Variants in AHI1 observed in about 807,000 individuals in gnomAD.
AHI1 encodes Abelson helper integration site 1.
In AHI1, 123 loss-of-function variants were observed where a neutral mutation model predicts 149.3. The ratio of observed to expected loss-of-function variants is 0.82; its 90% CI spans 0.71 to 0.96. The LOEUF is 0.96. AHI1 is among the 40% of genes least tolerant of loss of function. The pLI is 0.00. For missense variants in AHI1, 1,439 were observed against 1,422.7 expected (o/e 1.01, Z -0.18); for synonymous variants, 475 against 459.8 (o/e 1.03, Z -0.42).
chr6:135,430,227 T>C (rs758295740), intron 17 of AHI1, among the ~76,000 whole-genome samples: 36 of 152,002 alleles, frequency 2.4e-4, no homozygotes, highest in Non-Finnish European at 5.0e-4. Flanking sequence ...TTAATTAGTA[T>C]GTGTTTTTGT....
intron 22 of AHI1, among the ~76,000 whole-genome samples, chr6:135,398,306 C>T (rs1258179637): frequency 6.6e-6 from 1 of 152,032 alleles, no homozygotes; most frequent in East Asian, 1.9e-4. Context: ...TATGACCCCT[C>T]AGTCCTCAGA....
chr6:135,360,100 GA>G (rs939712503), intron 23 of AHI1, among the ~76,000 whole-genome samples: 9 of 151,976 alleles, frequency 5.9e-5, no homozygotes, highest in South Asian at 2.1e-4. Flanking sequence ...ATAAACTTTA[GA>G]AAAAAATGTA....
rs1041423803 is a variant in AHI1 at position 135,398,045 on chromosome 6, T to A, written c.2989-3149A>T. 2.0e-4 allele frequency among the ~76,000 whole-genome samples: 26 copies of A among 133,314 alleles called. No individual in the cohort carries two copies. In the South Asian group the frequency reaches 5.7e-3, roughly 29 times the overall value. 87.5% of individuals were successfully genotyped at this position (133,314 alleles called of 152,430 possible). ...GTGGCATTAGAAAAAAAGAAACCAA[T>A]AATACCCAGGATGTTTTTTTTTTTT... On this transcript the variant is annotated intron_variant, in intron 22 of 28. Transcript: ENST00000265602.
In AHI1 at chr6:135,297,338, C is replaced by A. The variant is rs545502092; in HGVS notation, c.3485+3162G>T. ...CAGTCAGTCTCCTCCCACTCTCTCC[C>A]CTCTCTTCATAGCCGTATGCTCCTT... is the stretch of plus-strand genomic sequence containing the variant. On this transcript the variant is annotated intron_variant, in intron 27 of 28. Coordinates refer to ENST00000265602, the MANE Select transcript of AHI1 (RefSeq NM_001134831.2). 7.4e-4 allele frequency: 314 copies of A among 426,392 alleles called. 1 individual carries two copies. Among genetic ancestry groups the A allele is most frequent in the African/African-American group, 5.5e-3 (268 of 48,938 alleles). 26.4% of individuals were successfully genotyped at this position (426,392 alleles called of 1,614,324 possible). A position where few individuals can be genotyped will look rare whatever the true frequency, so the allele number is the denominator to read the frequency against.
chr6:135,387,190 A>G (rs74792384), intron 23 of AHI1, among the ~76,000 whole-genome samples: 3,425 of 152,234 alleles, frequency 0.022, 60 homozygotes, highest in East Asian at 0.054. Flanking sequence ...GTTGAAAAGC[A>G]TTTTCTTAAG....
At position 135,411,495 on chromosome 6, in the gene AHI1, T is replaced by A; in HGVS notation, c.2814A>T (p.Pro938=). 1.2e-6 allele frequency: 2 copies of A among 1,611,062 alleles called. No homozygotes were observed. The highest frequency in any genetic ancestry group is 1.7e-6 in the Non-Finnish European group (2 of 1,178,478). The change falls in exon 21 of 29, where the codon CCA becomes CCT. Residue 938 remains proline (P), a synonymous_variant. Transcript: ENST00000265602. ...EMFKRYNGTF[P]LPGIHQSQDA... ...CTTGACTTTGGTGTATTCCAGGTAA[T>A]GGAAATGTTCCATTGTAGCGTTTGA...
chr6:135,338,490 A>T (rs1422276292), intron 24 of AHI1, among the ~76,000 whole-genome samples: 1 of 152,212 alleles, frequency 6.6e-6, no homozygotes, highest in Non-Finnish European at 1.5e-5. Flanking sequence ...ACAAATGGAA[A>T]ACTCTGAGCT....
intron 23 of AHI1, among the ~76,000 whole-genome samples, chr6:135,374,213 C>A (rs746586233): frequency 6.7e-6 from 1 of 148,302 alleles, no homozygotes; most frequent in Non-Finnish European, 1.5e-5. Flanking sequence ...TCCAGGTTCA[C>A]GCCATTCTCC....
At chr6:135,312,565 GAAAACA>G (rs1483523244) in intron 26 of AHI1, among the ~76,000 whole-genome samples, 1 of 151,908 alleles carries the variant, frequency 6.6e-6, no homozygotes, top group Non-Finnish European at 1.5e-5. Context: ...ACCAAACAAA[GAAAACA>G]AAAACAAACA....
At chr6:135,309,349 A>G (rs1784880902) in intron 26 of AHI1, among the ~76,000 whole-genome samples, 2 of 152,218 alleles carry the variant, frequency 1.3e-5, no homozygotes, top group African/African-American at 2.4e-5. Flanking sequence ...TCAAATGTAA[A>G]TAACATTTAT....
Position 135,490,606 on chromosome 6 carries a change from A to G in AHI1, c.135+17T>C. The G allele has an allele frequency of 1.2e-6, 2 of 1,613,396 alleles. No individual in the cohort carries two copies. The highest frequency in any genetic ancestry group is 8.5e-7 in the Non-Finnish European group (1 of 1,179,634). ...GCGCATATGTAAATCACTATTACCC[A>G]ATGATCATTTACTTACTGAGATGTT... On this transcript the variant is annotated intron_variant, in intron 5 of 28. Transcript: ENST00000265602.
chr6:135,411,920 C>A (rs1406517337), intron 20 of AHI1, among the ~76,000 whole-genome samples: 3 of 151,918 alleles, frequency 2.0e-5, no homozygotes, highest in African/African-American at 7.3e-5. Context: ...ATTTCTGTAC[C>A]CTTCTTAATT....
At chr6:135,453,230 A>G (rs1366869199) in intron 11 of AHI1, 111 bp downstream of exon 11, 1 of 837,158 alleles carries the variant, frequency 1.2e-6, no homozygotes, top group Non-Finnish European at 2.0e-6. Context: ...CATCCCTACA[A>G]CATTACCTTA....
At chr6:135,368,237 G>A (rs975652026) in intron 23 of AHI1, among the ~76,000 whole-genome samples, 3 of 152,214 alleles carry the variant, frequency 2.0e-5, no homozygotes, top group Admixed American at 6.5e-5. Flanking sequence ...CTGCGCTGGT[G>A]GAGGTAGCAG....
intron 23 of AHI1, among the ~76,000 whole-genome samples, chr6:135,371,647 T>C (rs1775079182): frequency 6.6e-6 from 1 of 152,244 alleles, no homozygotes. Flanking sequence ...TAATCTTCTA[T>C]GTGAACATCC....
intron 24 of AHI1, among the ~76,000 whole-genome samples, chr6:135,343,891 C>T (rs188102064): frequency 4.1e-4 from 62 of 151,962 alleles, no homozygotes; most frequent in South Asian, 1.7e-3. Context: ...AAAAAGTAAA[C>T]TAAACTTTAT....
chr6:135,416,382 T>G (rs1782384192), intron 20 of AHI1, among the ~76,000 whole-genome samples: 1 of 151,850 alleles, frequency 6.6e-6, no homozygotes. Flanking sequence ...TTTTTTTGCC[T>G]GTTTAACTGA....
intron 25 of AHI1, among the ~76,000 whole-genome samples, chr6:135,320,453 T>A (rs537453989): frequency 6.6e-6 from 1 of 152,120 alleles, no homozygotes; most frequent in East Asian, 1.9e-4. Context: ...TATTAGCTTT[T>A]AAAAAAAATT....
intron 26 of AHI1, among the ~76,000 whole-genome samples, chr6:135,309,187 G>C (rs189668436): frequency 6.6e-6 from 1 of 152,160 alleles, no homozygotes; most frequent in South Asian, 2.1e-4. Flanking sequence ...ATTCCTCTGC[G>C]TAGGTCATTT....
Sources: allele counts gnomAD v4.1 joint callset (sites outside exome capture counted in the v4.1 genomes callset), GRCh38; gene constraint gnomAD v4.1.1; transcripts MANE v1.5; gene names NCBI Gene and HGNC (gene_info 2026-07-23, HGNC 2026-07-21).